Variants in EDARADD observed in about 807,000 individuals in gnomAD.
The protein encoded by EDARADD is EDAR associated via death domain.
A neutral mutation model predicts 25.6 loss-of-function variants in EDARADD; 20 were observed. The ratio of observed to expected loss-of-function variants is 0.78; its 90% confidence interval spans 0.55 to 1.14. The LOEUF (loss-of-function observed/expected upper bound fraction) is 1.14. Among genes scored for constraint, EDARADD ranks in the 50% most tolerant of loss-of-function variants. The pLI, the probability that EDARADD is intolerant of heterozygous loss-of-function variation, is 0.00. For synonymous variants in EDARADD, 86 were observed against 94.4 expected (o/e 0.91, Z 0.52); for missense variants, 225 against 270.1 (o/e 0.83, Z 1.17).
At chr1:236,419,915 C>A (rs1043234303) in intron 3 of EDARADD, among the ~76,000 whole-genome samples, 1 of 152,192 alleles carries the variant, frequency 6.6e-6, no homozygotes, top group African/African-American at 2.4e-5. Flanking sequence ...CGGTGACTCG[C>A]GCCTGTAATC....
At chr1:236,475,789 C>CAA (rs200343704) in intron 5 of EDARADD, among the ~76,000 whole-genome samples, 1 of 149,468 alleles carries the variant, frequency 6.7e-6, no homozygotes, top group Admixed American at 6.6e-5. Context: ...AAAACACACA[C>CAA]ACAAAAAAAC....
chr1:236,373,297 C>T (rs1667192619), intron 3 of EDARADD, among the ~76,000 whole-genome samples: 1 of 151,992 alleles, frequency 6.6e-6, no homozygotes, highest in South Asian at 2.1e-4. Context: ...CCTCTGCCTC[C>T]CTGGTTCAAG....
rs751932339 is a variant in EDARADD, at chr1:236,483,722, G to A, written c.*1073G>A. The A allele has an allele frequency of 5.9e-6, 9 of 1,537,708 alleles. No individual in the cohort carries two copies. Among genetic ancestry groups the A allele is most frequent in the African/African-American group, 5.5e-5 (4 of 73,162 alleles). ...TCAGGGAAGCCATGCCCATTGGAGC[G>A]GAGGTTTACCACAGCCTGAAGAATG... On this transcript the variant is annotated 3_prime_UTR_variant, in exon 6 of 6. Transcript: ENST00000334232.
intron 5 of EDARADD, among the ~76,000 whole-genome samples, chr1:236,472,198 T>C (rs758349877): frequency 6.6e-6 from 1 of 152,144 alleles, no homozygotes; most frequent in East Asian, 1.9e-4. Context: ...CCTGTGTATC[T>C]GAGAACTCTT....
chr1:236,455,081 G>T (rs991583928), intron 4 of EDARADD, among the ~76,000 whole-genome samples: 1 of 152,066 alleles, frequency 6.6e-6, no homozygotes, highest in African/African-American at 2.4e-5. Flanking sequence ...GTGGTGGCGG[G>T]CGCCTGTAGT....
In EDARADD at chr1:236,429,184, C is replaced by CAGAGGG. The variant is rs1489478954; in HGVS notation, c.219+1743_219+1748dup. On this transcript the variant is annotated intron_variant, in intron 4 of 5. Transcript: ENST00000334232. ...GGCTCGGCATCAGAGGGAGACTGTG[C>CAGAGGG]AGAGGGAGAGGGAGCGGGAGCGGGA... Among the ~76,000 whole-genome samples, 154 of 147,386 alleles carry CAGAGGG rather than the reference C, an allele frequency of 1.0e-3. 1 individual carries two copies. The South Asian group carries it at 0.01, about 10-fold the overall frequency.
chr1:236,433,268 C>A (rs115453823), intron 4 of EDARADD, among the ~76,000 whole-genome samples: 1,721 of 151,140 alleles, frequency 0.011, 39 homozygotes, highest in African/African-American at 0.04. Flanking sequence ...ATAAAAACAG[C>A]AAATAACCCT....
chr1:236,443,525 T>TG (rs1372057319), intron 4 of EDARADD, among the ~76,000 whole-genome samples: 1 of 152,036 alleles, frequency 6.6e-6, no homozygotes, highest in Non-Finnish European at 1.5e-5. Flanking sequence ...AAGATTTCAG[T>TG]GGGGGAAGTA....
chr1:236,359,564 G>A (rs748624731), intron 3 of EDARADD, among the ~76,000 whole-genome samples: 8 of 152,172 alleles, frequency 5.3e-5, no homozygotes. Context: ...CCTAGACTGG[G>A]CAATTTACAA....
chr1:236,357,878 A>AT lies in EDARADD; in HGVS notation c.-6+7051dup, dbSNP rs34263861. The stretch of plus-strand genomic sequence containing the variant: ...AAGGAAAGTAACTTTATTTTATTTA[A>AT]TTTTTTTTTTTTGAGATGGAGTTTC... On this transcript the variant is annotated intron_variant, in intron 3 of 7. Transcript: ENST00000439430. Among the ~76,000 whole-genome samples, 1,128 of 147,358 alleles carry AT rather than the reference A, an allele frequency of 7.7e-3. 13 individuals carry two copies. The highest frequency in any genetic ancestry group is 0.024 in the African/African-American group (981 of 40,078).
At position 236,483,003 on chromosome 1, in the gene EDARADD, G is replaced by C. The variant is rs886046190; in HGVS notation, c.*354G>C. 2 of 615,228 alleles carry C rather than the reference G, an allele frequency of 3.3e-6. No homozygotes were observed. Among genetic ancestry groups the C allele is most frequent in the Non-Finnish European group, 5.7e-6 (2 of 351,520 alleles). The allele number at this position is 615,228 out of a possible 1,614,324, so 38.1% of individuals were successfully genotyped here. On this transcript the variant is annotated 3_prime_UTR_variant, in exon 6 of 6. Coordinates refer to ENST00000334232, the MANE Select transcript of EDARADD (RefSeq NM_145861.4). Reference sequence around the variant, plus strand: ...GATTTAAATAGGTCCTGAGACTGTTGATAGCCCCAGACATACCCACAGCAT... The same window carrying C: ...GATTTAAATAGGTCCTGAGACTGTTCATAGCCCCAGACATACCCACAGCAT...
rs77429892 is a variant in EDARADD at position 236,429,199 on chromosome 1, C to T, written c.219+1749C>T. Among the ~76,000 whole-genome samples the T allele has an allele frequency of 2.9e-4, 15 of 51,468 alleles. No individual in the cohort carries two copies. In the East Asian group the frequency reaches 3.9e-3, roughly 13 times the overall value. 33.8% of individuals were successfully genotyped at this position (51,468 alleles called of 152,430 possible). Reference sequence around the variant, plus strand: ...GGAGACTGTGCAGAGGGAGAGGGAGCGGGAGCGGGAGAGGGAGAGATTTTT... The same window carrying T: ...GGAGACTGTGCAGAGGGAGAGGGAGTGGGAGCGGGAGAGGGAGAGATTTTT... On this transcript the variant is annotated intron_variant, in intron 4 of 5. Transcript: ENST00000334232.
At chr1:236,391,843 A>G (rs1480418259), upstream of EDARADD, among the ~76,000 whole-genome samples, 2 of 152,158 alleles carry the variant, frequency 1.3e-5, no homozygotes, top group Admixed American at 1.3e-4. Flanking sequence ...AGTCCTTTCC[A>G]CACTTACGGC....
At chr1:236,468,363 C>T in intron 5 of EDARADD, 87 bp downstream of exon 5, 2 of 1,413,842 alleles carry the variant, frequency 1.4e-6, no homozygotes, top group East Asian at 2.3e-5. Context: ...GTGACTCATG[C>T]CTGTAATTCC....
chr1:236,427,878 C>A (rs1174460064), intron 4 of EDARADD, among the ~76,000 whole-genome samples: 1 of 151,640 alleles, frequency 6.6e-6, no homozygotes, highest in African/African-American at 2.4e-5. Flanking sequence ...TTTCTATTAT[C>A]TTTTTCCAAA....
Position 236,484,048 on chromosome 1 carries a change from C to T in EDARADD, c.*1399C>T. 1 of 1,565,002 alleles carries T rather than the reference C, an allele frequency of 6.4e-7. No homozygotes were observed. The highest frequency in any genetic ancestry group is 8.8e-7 in the Non-Finnish European group (1 of 1,136,944). ...TACCCAGTGGTGTCTACTGAAGATC[C>T]CTTTGACCAGGATGACTGGGGAGCT... On this transcript the variant is annotated 3_prime_UTR_variant, in exon 6 of 6. Coordinates refer to ENST00000334232, the MANE Select transcript of EDARADD (RefSeq NM_145861.4). The surrounding 1 kb of genome is among the most constrained non-coding windows in gnomAD (Gnocchi z 4.1).
intron 1 of EDARADD, among the ~76,000 whole-genome samples, chr1:236,396,696 C>T (rs1667521044): frequency 6.9e-6 from 1 of 144,660 alleles, no homozygotes; most frequent in Non-Finnish European, 1.5e-5. Context: ...AAAGATCTAC[C>T]TTTTTTTTTT....
At chr1:236,355,673 C>A (rs181274515) in intron 3 of EDARADD, among the ~76,000 whole-genome samples, 282 of 151,922 alleles carry the variant, frequency 1.9e-3, no homozygotes, top group South Asian at 6.7e-3. Context: ...TCATGCCTGG[C>A]TAATTTTTGT....
intron 3 of EDARADD, among the ~76,000 whole-genome samples, chr1:236,354,253 G>C (rs1280206070): frequency 1.3e-5 from 2 of 152,162 alleles, no homozygotes; most frequent in African/African-American, 4.8e-5. Flanking sequence ...TTACACACAT[G>C]AAAGTGCCAG....
Sources: allele counts gnomAD v4.1 joint callset (sites outside exome capture counted in the v4.1 genomes callset), GRCh38; gene constraint gnomAD v4.1.1; non-coding constraint Gnocchi (gnomAD v3.1); transcripts MANE v1.5; gene names NCBI Gene and HGNC (gene_info 2026-07-23, HGNC 2026-07-21).